The following PCDHA2 variants were observed in gnomAD, a reference collection of about 807,000 sequenced individuals.
PCDHA2 encodes protocadherin alpha 2, also known as protocadherin alpha-2.
Under a neutral mutation model 66.0 loss-of-function variants are expected in PCDHA2, and 58 were observed. The observed-to-expected ratio is 0.88, with a 90% CI of 0.71 to 1.09. PCDHA2 has a LOEUF of 1.09. Ranked by LOEUF, PCDHA2 falls within the 50% of genes least tolerant of loss-of-function variation. PCDHA2 has a pLI of 0.00. For synonymous variants in PCDHA2, 634 were observed against 554.0 expected (o/e 1.14, Z -2.03); for missense variants, 1,267 against 1,242.3 (o/e 1.02, Z -0.30).
At chr5:140,805,691 T>C in intron 1 of PCDHA2, 1 of 660,614 alleles carries the variant, frequency 1.5e-6, no homozygotes, top group Non-Finnish European at 1.9e-6. Flanking sequence ...AAGATCATGA[T>C]TACCAAGAAT....
intron 1 of PCDHA2, among the ~76,000 whole-genome samples, chr5:140,888,454 A>G (rs1167294283): frequency 6.6e-6 from 1 of 152,234 alleles, no homozygotes; most frequent in Non-Finnish European, 1.5e-5. Context: ...ATAAAGAATT[A>G]GCTCAAAATG....
chr5:140,978,787 C>G (rs1164015518), intron 1 of PCDHA2, 162 bp from the exon 2 acceptor site: 2 of 972,388 alleles, frequency 2.1e-6, no homozygotes, highest in Non-Finnish European at 2.4e-6. Context: ...TTCTAAAGTG[C>G]TATATATGTA....
intron 1 of PCDHA2, chr5:140,883,623 C>A: frequency 6.2e-7 from 1 of 1,613,988 alleles, no homozygotes; most frequent in Non-Finnish European, 8.5e-7. Context: ...AACGACAACG[C>A]GCCGGCGTTC....
Position 140,855,923 on chromosome 5 carries a change from A to T in PCDHA2, c.2388+58571A>T, listed in dbSNP as rs1424860955. On this transcript the variant is annotated intron_variant, in intron 1 of 3. Coordinates refer to ENST00000526136, the MANE Select transcript of PCDHA2 (RefSeq NM_018905.3). Reference sequence around the variant, plus strand: ...GCCAGTTTCTCAAGGACTAGGAAGTAGCGTCATTCTGAGATCTCAGCCATT... The same window carrying T: ...GCCAGTTTCTCAAGGACTAGGAAGTTGCGTCATTCTGAGATCTCAGCCATT... 7.3e-6 allele frequency: 9 copies of T among 1,229,146 alleles called. No individual in the cohort carries two copies. In the South Asian group the frequency reaches 1.4e-4, roughly 19 times the overall value. 76.1% of individuals were successfully genotyped at this position (1,229,146 alleles called of 1,614,324 possible).
chr5:140,967,935 A>C (rs186453952), intron 1 of PCDHA2: 1 of 1,614,214 alleles, frequency 6.2e-7, no homozygotes, highest in Admixed American at 1.7e-5. Context: ...CTCAGTGTCA[A>C]TGACCAAGAC....
chr5:140,853,345 C>A, intron 1 of PCDHA2: 2 of 982,280 alleles, frequency 2.0e-6, no homozygotes, highest in Non-Finnish European at 2.5e-6. Context: ...CATTAGCAAA[C>A]ATGAACTCAC....
intron 1 of PCDHA2, among the ~76,000 whole-genome samples, chr5:140,970,589 C>T (rs74994687): frequency 6.6e-6 from 1 of 152,198 alleles, no homozygotes; most frequent in East Asian, 1.9e-4. Flanking sequence ...CAGAGATATG[C>T]TTTGTGATAC....
chr5:140,992,017 C>CTGTGTGTGTGTG (rs10602499), intron 3 of PCDHA2, among the ~76,000 whole-genome samples: 10 of 145,628 alleles, frequency 6.9e-5, no homozygotes, highest in African/African-American at 2.3e-4. Flanking sequence ...AGAGGTGGCT[C>CTGTGTGTGTGTG]TGTGTGTGTG....
chr5:140,836,948 A>G (rs1050611194), intron 1 of PCDHA2: 2 of 442,648 alleles, frequency 4.5e-6, no homozygotes, highest in Non-Finnish European at 7.8e-6. Flanking sequence ...ATCAAAATCT[A>G]TGGTTTATGT....
chr5:140,942,759 G>A (rs2093365403), intron 1 of PCDHA2, among the ~76,000 whole-genome samples: 1 of 152,074 alleles, frequency 6.6e-6, no homozygotes, highest in Admixed American at 6.6e-5. Context: ...AAATGAGATG[G>A]CATAATGTAT....
At chr5:140,867,267 A>G (rs2049851956) in intron 1 of PCDHA2, 1 of 152,078 alleles carries the variant, frequency 6.6e-6, no homozygotes, top group African/African-American at 2.4e-5. Flanking sequence ...TTTTGTTCAA[A>G]ATAAACCTGA....
At chr5:140,868,198 C>T (rs1220217511) in intron 1 of PCDHA2, 2 of 152,058 alleles carry the variant, frequency 1.3e-5, no homozygotes, top group East Asian at 1.9e-4. Context: ...CTATGGCTTA[C>T]ATTAGAAATA....
intron 3 of PCDHA2, among the ~76,000 whole-genome samples, chr5:141,006,584 GA>G (rs1353712503): frequency 6.6e-6 from 1 of 152,126 alleles, no homozygotes; most frequent in Non-Finnish European, 1.5e-5. Context: ...GAGGGTTGGA[GA>G]GAAGCAAAAG....
chr5:140,993,133 C>T (rs2097542175), intron 3 of PCDHA2, among the ~76,000 whole-genome samples: 1 of 152,190 alleles, frequency 6.6e-6, no homozygotes, highest in East Asian at 1.9e-4. Context: ...CCTTCTGTTG[C>T]AACAAGTATA....
At chr5:140,933,901 CAT>C (rs1354614736) in intron 1 of PCDHA2, among the ~76,000 whole-genome samples, 33 of 151,882 alleles carry the variant, frequency 2.2e-4, no homozygotes, top group African/African-American at 7.7e-4. Flanking sequence ...AATATTTTGG[CAT>C]AAAGTTGTTT....
chr5:140,869,894 T>A lies in PCDHA2; in HGVS notation c.2388+72542T>A, dbSNP rs1234875307. 5 of 1,610,472 alleles carry A rather than the reference T, an allele frequency of 3.1e-6. No individual in the cohort carries two copies. The African/African-American group carries it at 4.0e-5, about 13-fold the overall frequency. On this transcript the variant is annotated intron_variant, in intron 1 of 3. Coordinates refer to ENST00000526136, the MANE Select transcript of PCDHA2 (RefSeq NM_018905.3). ...GCTAAAGAAACTCTTGTGCTCAAAC[T>A]AAACGCCACAGACCGAGACGAAGGA...
intron 1 of PCDHA2, chr5:140,860,177 G>A (rs1218765460): frequency 6.7e-6 from 1 of 148,372 alleles, no homozygotes; most frequent in Admixed American, 6.7e-5. Flanking sequence ...ATATATATAT[G>A]ATGGGCTCTC....
chr5:140,857,412 C>T lies in PCDHA2; in HGVS notation c.2388+60060C>T, dbSNP rs782751627. On this transcript the variant is annotated intron_variant, in intron 1 of 3. Transcript: ENST00000526136. ...GTGAACGACAACGCGCCTGCGTTCGCGCAGTCCGAGTACACGGTGTTCGTG... is the reference window on the plus strand; with the variant it reads ...GTGAACGACAACGCGCCTGCGTTCGTGCAGTCCGAGTACACGGTGTTCGTG... 19 of 1,598,336 alleles carry T rather than the reference C, an allele frequency of 1.2e-5. 1 individual carries two copies. Among genetic ancestry groups the T allele is most frequent in the Non-Finnish European group, 1.4e-5 (16 of 1,167,836 alleles).
chr5:140,945,850 T>G (rs1472612975), intron 1 of PCDHA2, among the ~76,000 whole-genome samples: 1 of 152,102 alleles, frequency 6.6e-6, no homozygotes, highest in Non-Finnish European at 1.5e-5. Context: ...ATTAAAGACT[T>G]AAACATAGAC....
Sources: gnomAD v4.1 joint callset for allele counts (sites outside exome capture counted in the v4.1 genomes callset) on GRCh38, gnomAD v4.1.1 for gene constraint, MANE v1.5 for transcripts, NCBI Gene and HGNC (gene_info 2026-07-23, HGNC 2026-07-21) for gene names.